TMEM74: variants seen among roughly 807,000 people sequenced by gnomAD.
TMEM74 encodes the protein transmembrane protein 74.
TMEM74 carries 13 observed loss-of-function variants against 18.1 expected under a neutral mutation model. That is an observed-to-expected ratio of 0.72 (90% CI 0.47 to 1.14). The LOEUF (loss-of-function observed/expected upper bound fraction) is 1.14, where lower values mean the gene tolerates loss of function less well. TMEM74 is among the 50% of genes most tolerant of loss of function. The pLI is 0.00. For synonymous variants in TMEM74, 159 were observed against 146.6 expected (o/e 1.08, Z -0.61); for missense variants, 372 against 375.9 (o/e 0.99, Z 0.09).
intron 1 of TMEM74, among the ~76,000 whole-genome samples, chr8:108,768,853 C>T (rs1001557276): frequency 3.9e-5 from 6 of 152,168 alleles, no homozygotes; most frequent in Non-Finnish European, 5.9e-5. Flanking sequence ...AGGGTAATTC[C>T]AAGGGGCATG....
intron 1 of TMEM74, among the ~76,000 whole-genome samples, chr8:108,690,477 T>G (rs914714532): frequency 2.1e-5 from 3 of 142,924 alleles, no homozygotes; most frequent in African/African-American, 8.3e-5. Context: ...GCAAGGCAGG[T>G]TTTTTGTTTT....
At chr8:108,750,406 T>C (rs1813892435) in intron 1 of TMEM74, among the ~76,000 whole-genome samples, 1 of 152,142 alleles carries the variant, frequency 6.6e-6, no homozygotes, top group Admixed American at 6.6e-5. Flanking sequence ...GTGAGAGCAG[T>C]GATTCCTCCC....
chr8:108,620,342 T>C (rs3019379), intron 2 of TMEM74, among the ~76,000 whole-genome samples: 33,336 of 152,074 alleles, frequency 0.22, 3,686 homozygotes, highest in East Asian at 0.27. Flanking sequence ...AGCAGATATC[T>C]CTGCACGTGT....
At chr8:108,607,339 A>G (rs746111329) in exon 4 of TMEM74, 11 of 152,358 alleles carry the variant, frequency 7.2e-5, no homozygotes, top group Non-Finnish European at 1.2e-4. Context: ...TTGAAAGTGC[A>G]TTGGCGTAAA....
intron 2 of TMEM74, among the ~76,000 whole-genome samples, chr8:108,629,553 T>C (rs1812529348): frequency 6.6e-6 from 1 of 151,800 alleles, no homozygotes; most frequent in East Asian, 1.9e-4. Flanking sequence ...AAGGTTGAAA[T>C]GAGGGAAAAA....
chr8:108,725,742 T>C (rs926182912), intron 1 of TMEM74, among the ~76,000 whole-genome samples: 2 of 152,198 alleles, frequency 1.3e-5, no homozygotes, highest in African/African-American at 4.8e-5. Flanking sequence ...CTTTCTGTTT[T>C]TATTTCTAAA....
intron 2 of TMEM74, among the ~76,000 whole-genome samples, chr8:108,641,008 C>T (rs1812660599): frequency 6.6e-6 from 1 of 152,068 alleles, no homozygotes; most frequent in African/African-American, 2.4e-5. Context: ...TCTCCCTGCC[C>T]AATTGTTACT....
intron 2 of TMEM74, chr8:108,652,528 G>A (rs894667064): frequency 2.0e-6 from 1 of 510,548 alleles, no homozygotes. Flanking sequence ...CAGAGTGCAG[G>A]ATGGTGCTCA....
At chr8:108,638,145 T>C (rs889300367) in intron 2 of TMEM74, among the ~76,000 whole-genome samples, 1 of 152,134 alleles carries the variant, frequency 6.6e-6, no homozygotes, top group African/African-American at 2.4e-5. Context: ...GAAGGGTCAG[T>C]GAAAATGTTT....
intron 1 of TMEM74, among the ~76,000 whole-genome samples, chr8:108,751,363 G>A (rs1813903085): frequency 6.6e-6 from 1 of 152,100 alleles, no homozygotes; most frequent in African/African-American, 2.4e-5. Context: ...AATACACTTT[G>A]TAGCACAGTA....
At chr8:108,723,188 T>C (rs1027350086) in intron 1 of TMEM74, among the ~76,000 whole-genome samples, 1 of 152,340 alleles carries the variant, frequency 6.6e-6, no homozygotes, top group African/African-American at 2.4e-5. Flanking sequence ...ATTCTGTTTT[T>C]AGCAAAACTG....
At chr8:108,636,087 G>C (rs1460730983) in intron 2 of TMEM74, among the ~76,000 whole-genome samples, 3 of 152,076 alleles carry the variant, frequency 2.0e-5, no homozygotes, top group Non-Finnish European at 4.4e-5. Flanking sequence ...AGGAAAAGTA[G>C]CTCCTCCCCA....
intron 1 of TMEM74, among the ~76,000 whole-genome samples, chr8:108,734,679 A>G (rs1026508329): frequency 1.3e-5 from 2 of 152,166 alleles, no homozygotes; most frequent in Non-Finnish European, 2.9e-5. Context: ...AAGAAAGAAG[A>G]AAAGAAAAAT....
chr8:108,686,168 A>C (rs1813165489), intron 1 of TMEM74, among the ~76,000 whole-genome samples: 1 of 152,036 alleles, frequency 6.6e-6, no homozygotes, highest in Non-Finnish European at 1.5e-5. Flanking sequence ...AAACAATGGG[A>C]GCGTAAGTTG....
At chr8:108,653,389 A>G (rs1812792799) in intron 2 of TMEM74, 1 of 152,608 alleles carries the variant, frequency 6.6e-6, no homozygotes, top group Non-Finnish European at 1.5e-5. Context: ...AGAGGGTGGC[A>G]GTGACACACT....
At chr8:108,657,905 A>AATTAAT (rs1563742389) in intron 1 of TMEM74, among the ~76,000 whole-genome samples, 5 of 117,696 alleles carry the variant, frequency 4.2e-5, no homozygotes, top group African/African-American at 1.6e-4. Flanking sequence ...TATATATATT[A>AATTAAT]ATTACATATA....
chr8:108,787,386 A>T (rs560837687), intron 1 of TMEM74, 90 bp downstream of exon 1: 1 of 152,334 alleles, frequency 6.6e-6, no homozygotes, highest in South Asian at 2.1e-4. Flanking sequence ...AAGGAGAGAG[A>T]GCGGGGATAT....
rs767357286 is a variant in TMEM74, at chr8:108,784,940, G to A, written c.159C>T (p.Thr53=). The A allele has an allele frequency of 1.6e-5, 26 of 1,614,016 alleles. No homozygotes were observed. In the East Asian group the frequency reaches 3.8e-4, roughly 24 times the overall value. ...QKQCASTPRA[T]EMEGSKLSSS... Reference sequence around the variant, plus strand: ...AACTAAGTTTAGACCCTTCCATCTCGGTTGCTCTTGGGGTGGATGCACACT... The same window carrying A: ...AACTAAGTTTAGACCCTTCCATCTCAGTTGCTCTTGGGGTGGATGCACACT... Residue 53 remains threonine, a synonymous_variant, in exon 2 of 2, where the codon ACC becomes ACT. Transcript: ENST00000297459.
At chr8:108,766,758 G>A (rs927824899) in intron 1 of TMEM74, among the ~76,000 whole-genome samples, 13 of 152,170 alleles carry the variant, frequency 8.5e-5, no homozygotes, top group African/African-American at 3.1e-4. Flanking sequence ...ATCAGTCCGA[G>A]TCCCAAAACC....
Sources: gnomAD v4.1 joint callset for allele counts (sites outside exome capture counted in the v4.1 genomes callset) on GRCh38, gnomAD v4.1.1 for gene constraint, MANE v1.5 for transcripts, NCBI Gene and HGNC (gene_info 2026-07-23, HGNC 2026-07-21) for gene names.